The following SLC2A12 variants were observed in gnomAD, a reference collection of about 807,000 sequenced individuals.
The protein encoded by SLC2A12 is solute carrier family 2, facilitated glucose transporter member 12.
SLC2A12 carries 23 observed loss-of-function variants against 41.8 expected under a neutral mutation model. The ratio of observed to expected loss-of-function variants is 0.55; its 90% CI spans 0.40 to 0.78. SLC2A12 has a LOEUF of 0.78. Ranked by LOEUF, SLC2A12 falls within the 30% of genes least tolerant of loss-of-function variation. The probability of loss-of-function intolerance (pLI) is 0.00; values close to 1 mark genes in which losing one functional copy is unlikely to be tolerated. For missense variants in SLC2A12, 654 were observed against 745.6 expected (o/e 0.88, Z 1.43); for synonymous variants, 295 against 285.9 (o/e 1.03, Z -0.32).
At chr6:134,014,833 G>T (rs1322776866) in intron 2 of SLC2A12, among the ~76,000 whole-genome samples, 1 of 152,180 alleles carries the variant, frequency 6.6e-6, no homozygotes, top group Non-Finnish European at 1.5e-5. Context: ...CAGGACTGAT[G>T]GTGTCATTTT....
chr6:134,022,392 A>G (rs986964342), intron 2 of SLC2A12, among the ~76,000 whole-genome samples: 5 of 152,090 alleles, frequency 3.3e-5, no homozygotes, highest in African/African-American at 9.7e-5. Flanking sequence ...TTAGCTGGGC[A>G]TGGTGGCAGG....
intron 1 of SLC2A12, among the ~76,000 whole-genome samples, chr6:134,047,870 C>G (rs1041543333): frequency 1.3e-5 from 2 of 152,242 alleles, no homozygotes; most frequent in Non-Finnish European, 2.9e-5. Context: ...GCCGGCTGCT[C>G]TCAGGCTGGC....
At chr6:134,051,928 TGTC>T (rs1324378163) in intron 1 of SLC2A12, among the ~76,000 whole-genome samples, 1 of 152,222 alleles carries the variant, frequency 6.6e-6, no homozygotes, top group Non-Finnish European at 1.5e-5. Flanking sequence ...GTGGTTATAA[TGTC>T]AACTGGTTAC....
intron 2 of SLC2A12, among the ~76,000 whole-genome samples, chr6:134,025,528 C>G (rs991297451): frequency 2.6e-5 from 4 of 152,116 alleles, no homozygotes; most frequent in African/African-American, 9.7e-5. Context: ...TGAAAGACAA[C>G]CAGCCGACAG....
At chr6:134,042,103 T>C (rs755792603) in intron 1 of SLC2A12, among the ~76,000 whole-genome samples, 1 of 152,226 alleles carries the variant, frequency 6.6e-6, no homozygotes, top group Non-Finnish European at 1.5e-5. Flanking sequence ...AGTGAGTACA[T>C]AGCAACTTTC....
intron 2 of SLC2A12, among the ~76,000 whole-genome samples, chr6:134,016,404 A>G (rs975498081): frequency 6.6e-5 from 10 of 152,264 alleles, no homozygotes; most frequent in African/African-American, 2.4e-4. Context: ...CCTCAAAAAA[A>G]AAAATTATGT....
In SLC2A12 at chr6:134,005,897, G is replaced by A. The variant is rs142881756; in HGVS notation, c.1567+915C>T. 4.9e-3 allele frequency among the ~76,000 whole-genome samples: 752 copies of A among 151,924 alleles called. 1 individual carries two copies. Among genetic ancestry groups the A allele is most frequent in the African/African-American group, 0.016 (676 of 41,448 alleles). ...TAAAAGACAGAGAGGAGGGCTAGGC[G>A]TGGTGGCTCGTGCCTGTAATCCCAG... On this transcript the variant is annotated intron_variant, in intron 3 of 4. Coordinates refer to ENST00000275230, the MANE Select transcript of SLC2A12 (RefSeq NM_145176.3).
intron 2 of SLC2A12, among the ~76,000 whole-genome samples, chr6:134,027,579 T>G (rs1480814422): frequency 2.0e-5 from 3 of 152,122 alleles, no homozygotes; most frequent in Non-Finnish European, 4.4e-5. Flanking sequence ...AGTCCTCCTT[T>G]TTTTTCTAGT....
intron 1 of SLC2A12, among the ~76,000 whole-genome samples, chr6:134,052,133 A>T (rs532006553): frequency 6.6e-6 from 1 of 152,192 alleles, no homozygotes; most frequent in South Asian, 2.1e-4. Context: ...CTTGGCACAT[A>T]AGGTTCCACC....
intron 2 of SLC2A12, among the ~76,000 whole-genome samples, chr6:134,021,432 A>G (rs1404508732): frequency 6.6e-6 from 1 of 152,364 alleles, no homozygotes; most frequent in African/African-American, 2.4e-5. Flanking sequence ...GTCTATAACT[A>G]CATTCTGGTT....
chr6:134,049,844 G>GGTTTT (rs759004276), intron 1 of SLC2A12, among the ~76,000 whole-genome samples: 16 of 152,210 alleles, frequency 1.1e-4, no homozygotes, highest in Non-Finnish European at 2.2e-4. Context: ...TTAGGGGGTT[G>GGTTTT]GTTTTGTTTT....
At chr6:134,006,409 G>T (rs1435789387) in intron 3 of SLC2A12, among the ~76,000 whole-genome samples, 3 of 152,004 alleles carry the variant, frequency 2.0e-5, no homozygotes, top group Non-Finnish European at 4.4e-5. Context: ...ATGTATTTGG[G>T]TCATGATTCA....
chr6:134,048,564 A>AC (rs1562206709), intron 1 of SLC2A12, among the ~76,000 whole-genome samples: 2 of 152,204 alleles, frequency 1.3e-5, no homozygotes, highest in South Asian at 4.1e-4. Context: ...GCGAGACTTC[A>AC]TCTCAGAAAA....
intron 4 of SLC2A12, among the ~76,000 whole-genome samples, chr6:133,997,279 T>C (rs1415781443): frequency 6.6e-6 from 1 of 151,808 alleles, no homozygotes; most frequent in East Asian, 1.9e-4. Flanking sequence ...TAACCTACCA[T>C]GTGACGCAGC....
At chr6:134,015,938 C>T (rs540708401) in intron 2 of SLC2A12, among the ~76,000 whole-genome samples, 65 of 152,340 alleles carry the variant, frequency 4.3e-4, no homozygotes, top group Admixed American at 3.7e-3. Flanking sequence ...TAGGCTGGTT[C>T]AGCTCCATAA....
At chr6:134,026,763 G>A (rs1210377253) in intron 2 of SLC2A12, among the ~76,000 whole-genome samples, 1 of 152,212 alleles carries the variant, frequency 6.6e-6, no homozygotes, top group Non-Finnish European at 1.5e-5. Flanking sequence ...CAGTGCAGAG[G>A]AAGGGCCATG....
chr6:134,032,301 C>A (rs111305520), intron 1 of SLC2A12, among the ~76,000 whole-genome samples: 11 of 150,732 alleles, frequency 7.3e-5, no homozygotes, highest in African/African-American at 1.5e-4. Context: ...GCATTTTGAA[C>A]AAAACCCAGT....
At chr6:134,024,983 C>A (rs1457741312) in intron 2 of SLC2A12, among the ~76,000 whole-genome samples, 1 of 152,220 alleles carries the variant, frequency 6.6e-6, no homozygotes, top group Non-Finnish European at 1.5e-5. Context: ...AGCAAAAACT[C>A]TCTTCTTGTT....
intron 2 of SLC2A12, among the ~76,000 whole-genome samples, chr6:134,022,105 A>T (rs1291278645): frequency 6.6e-6 from 1 of 152,146 alleles, no homozygotes; most frequent in African/African-American, 2.4e-5. Context: ...GCTGGGTGAG[A>T]TAATGGAGGG....
Sources: allele counts gnomAD v4.1 joint callset (sites outside exome capture counted in the v4.1 genomes callset), GRCh38; gene constraint gnomAD v4.1.1; transcripts MANE v1.5; gene names NCBI Gene and HGNC (gene_info 2026-07-23, HGNC 2026-07-21).